The following TMEM38B variants were observed in gnomAD, a reference collection of about 807,000 sequenced individuals.
TMEM38B encodes trimeric intracellular cation channel type B.
TMEM38B carries 24 observed loss-of-function variants against 28.7 expected under a neutral mutation model. That is an observed-to-expected ratio of 0.84 (90% CI 0.61 to 1.18). TMEM38B has a LOEUF of 1.18. Ranked by LOEUF, TMEM38B falls within the 50% of genes most tolerant of loss-of-function variation. The probability of loss-of-function intolerance (pLI) is 0.00; values close to 1 mark genes in which losing one functional copy is unlikely to be tolerated. For synonymous variants in TMEM38B, 131 were observed against 127.7 expected, an observed-to-expected ratio of 1.03 and a Z score of -0.17; for missense variants, 380 against 350.9, an observed-to-expected ratio of 1.08 and a Z score of -0.66.
At position 105,774,214 on chromosome 9, in the gene TMEM38B, T is replaced by A; in HGVS notation, c.*134T>A. On this transcript the variant is annotated 3_prime_UTR_variant, in exon 6 of 6. Transcript: ENST00000374692. ...ATGGAGGTGACAGAAAGAAAGAAAT[T>A]CTTTGTTTGAGGGAGACTTCCCCTT... The A allele has an allele frequency of 1.3e-6, 1 of 740,804 alleles. No individual in the cohort carries two copies. The highest frequency in any genetic ancestry group is 2.2e-6 in the Non-Finnish European group (1 of 461,364). 45.9% of individuals were successfully genotyped at this position (740,804 alleles called of 1,614,324 possible). A position where few individuals can be genotyped will look rare whatever the true frequency, so the allele number is the denominator to read the frequency against.
chr9:105,750,170 C>T (rs541036187), intron 5 of TMEM38B, among the ~76,000 whole-genome samples: 1 of 152,060 alleles, frequency 6.6e-6, no homozygotes, highest in Non-Finnish European at 1.5e-5. Flanking sequence ...AGATCATTTG[C>T]CCATTTTCAA....
chr9:105,762,237 C>A (rs1838080410), intron 5 of TMEM38B, among the ~76,000 whole-genome samples: 1 of 151,686 alleles, frequency 6.6e-6, no homozygotes, highest in Non-Finnish European at 1.5e-5. Flanking sequence ...ATCCTAGAAA[C>A]TGGCTATAAA....
Position 105,758,740 on chromosome 9 carries a change from AATG to A in TMEM38B, c.660+10555_660+10557del, listed in dbSNP as rs530488987. 1.0e-4 allele frequency: 74 copies of A among 735,236 alleles called. 1 individual carries two copies. In the South Asian group the frequency reaches 1.1e-3, roughly 11 times the overall value. 45.5% of individuals were successfully genotyped at this position (735,236 alleles called of 1,614,324 possible). The stretch of plus-strand genomic sequence containing the variant: ...TCCAAAGATAAAGATAGTATTTTTA[AATG>A]ATGAAACTTATCTCATAGAACTCCT... On this transcript the variant is annotated intron_variant, in intron 5 of 5. Coordinates refer to ENST00000374692, the MANE Select transcript of TMEM38B (RefSeq NM_018112.3).
Position 105,774,108 on chromosome 9 carries a change from A to G in TMEM38B, c.*28A>G. 1 of 1,599,976 alleles carries G rather than the reference A, an allele frequency of 6.3e-7. No individual in the cohort carries two copies. The highest frequency in any genetic ancestry group is 8.5e-7 in the Non-Finnish European group (1 of 1,173,424). On this transcript the variant is annotated 3_prime_UTR_variant, in exon 6 of 6. Transcript: ENST00000374692. Reference sequence around the variant, plus strand: ...TTACGTGATGAGCTCTACAAGGCCAAAAATTTTTTTTCTTATCTACCTGTT... The same window carrying G: ...TTACGTGATGAGCTCTACAAGGCCAGAAATTTTTTTTCTTATCTACCTGTT...
At chr9:105,736,245 T>C (rs1258246667) in intron 4 of TMEM38B, among the ~76,000 whole-genome samples, 1 of 152,142 alleles carries the variant, frequency 6.6e-6, no homozygotes, top group Non-Finnish European at 1.5e-5. Flanking sequence ...ATGTGAAAAT[T>C]TGTTTGCCAG....
At chr9:105,697,601 G>C (rs1283285925) in intron 1 of TMEM38B, among the ~76,000 whole-genome samples, 1 of 151,968 alleles carries the variant, frequency 6.6e-6, no homozygotes, top group Non-Finnish European at 1.5e-5. Context: ...TTCTTATTGG[G>C]CTGTAGGTTA....
chr9:105,705,127 T>G (rs769254842), intron 1 of TMEM38B, among the ~76,000 whole-genome samples: 3 of 152,240 alleles, frequency 2.0e-5, no homozygotes, highest in Non-Finnish European at 4.4e-5. Flanking sequence ...ACCTTTCACC[T>G]TTAGGTTTAT....
At chr9:105,723,194 A>G (rs890018848) in intron 4 of TMEM38B, among the ~76,000 whole-genome samples, 2 of 152,094 alleles carry the variant, frequency 1.3e-5, no homozygotes, top group Non-Finnish European at 2.9e-5. Context: ...TCTATTTAAG[A>G]TAATCTGTTC....
chr9:105,712,211 G>A (rs898607043), intron 2 of TMEM38B, among the ~76,000 whole-genome samples: 1 of 152,204 alleles, frequency 6.6e-6, no homozygotes, highest in African/African-American at 2.4e-5. Context: ...CACTGTGCCC[G>A]ACCGACTTCC....
At chr9:105,731,734 C>T (rs1836757478) in intron 4 of TMEM38B, among the ~76,000 whole-genome samples, 1 of 152,106 alleles carries the variant, frequency 6.6e-6, no homozygotes, top group Non-Finnish European at 1.5e-5. Flanking sequence ...GGTTCCAAGT[C>T]TTTGCTATTG....
At position 105,760,667 on chromosome 9, in the gene TMEM38B, T is replaced by C. The variant is rs1249960015; in HGVS notation, c.660+12477T>C. On this transcript the variant is annotated intron_variant, in intron 5 of 5. Coordinates refer to ENST00000374692, the MANE Select transcript of TMEM38B (RefSeq NM_018112.3). ...CAGAAAAGATTTCCAACCACGGAGATTGAAGCAGCACTTTTTGGTGACAAA... is the reference window on the plus strand; with the variant it reads ...CAGAAAAGATTTCCAACCACGGAGACTGAAGCAGCACTTTTTGGTGACAAA... 25 of 1,012,284 alleles carry C rather than the reference T, an allele frequency of 2.5e-5. No homozygotes were observed. The Admixed American group carries it at 3.3e-4, about 13-fold the overall frequency. The allele number at this position is 1,012,284 out of a possible 1,614,324, so 62.7% of individuals were successfully genotyped here.
intron 1 of TMEM38B, among the ~76,000 whole-genome samples, chr9:105,705,052 T>A (rs1835606113): frequency 6.6e-6 from 1 of 152,252 alleles, no homozygotes; most frequent in South Asian, 2.1e-4. Flanking sequence ...ATTATTTTCC[T>A]CTACAATTAA....
chr9:105,751,966 G>GAGAC (rs1378840805), intron 5 of TMEM38B, among the ~76,000 whole-genome samples: 1 of 152,096 alleles, frequency 6.6e-6, no homozygotes, highest in African/African-American at 2.4e-5. Flanking sequence ...CGCCATTTTT[G>GAGAC]TGGTTTGGTA....
At chr9:105,767,409 C>A (rs1826411593) in intron 5 of TMEM38B, among the ~76,000 whole-genome samples, 1 of 152,074 alleles carries the variant, frequency 6.6e-6, no homozygotes, top group Non-Finnish European at 1.5e-5. Context: ...CTCAATATTT[C>A]TTAGGATAGT....
At chr9:105,722,448 A>G in intron 3 of TMEM38B, 86 bp from the exon 4 acceptor site, 1 of 1,057,444 alleles carries the variant, frequency 9.5e-7, no homozygotes, top group African/African-American at 1.6e-5. Flanking sequence ...GGAATGTATT[A>G]TCAGGTGATA....
intron 4 of TMEM38B, among the ~76,000 whole-genome samples, chr9:105,723,904 G>A (rs909622933): frequency 3.3e-5 from 5 of 150,368 alleles, no homozygotes; most frequent in African/African-American, 1.2e-4. Context: ...GTGTGGTCTC[G>A]GGCTCACTGC....
rs1443330368 is a variant in TMEM38B at position 105,776,276 on chromosome 9, A to G, written c.*2196A>G. Reference sequence around the variant, plus strand: ...GTCACTCTCAAGTAAAACATGGCCAAATGAATATCAAACTGGTTTATCAGA... The same window carrying G: ...GTCACTCTCAAGTAAAACATGGCCAGATGAATATCAAACTGGTTTATCAGA... On this transcript the variant is annotated 3_prime_UTR_variant, in exon 6 of 6. Coordinates refer to ENST00000374692, the MANE Select transcript of TMEM38B (RefSeq NM_018112.3). 2 of 152,098 alleles carry G rather than the reference A, an allele frequency of 1.3e-5. No homozygotes were observed. Among genetic ancestry groups the G allele is most frequent in the African/African-American group, 4.8e-5 (2 of 41,428 alleles). The allele number at this position is 152,098 out of a possible 1,614,324, so 9.4% of individuals were successfully genotyped here. A position where few individuals can be genotyped will look rare whatever the true frequency, so the allele number is the denominator to read the frequency against.
chr9:105,710,327 C>A, intron 2 of TMEM38B: 1 of 691,582 alleles, frequency 1.4e-6, no homozygotes, highest in South Asian at 1.6e-5. Context: ...ACTCTGTGGT[C>A]TTCCAGCCAG....
At chr9:105,753,656 C>T (rs1047151222) in intron 5 of TMEM38B, among the ~76,000 whole-genome samples, 2 of 152,084 alleles carry the variant, frequency 1.3e-5, no homozygotes, top group Non-Finnish European at 2.9e-5. Flanking sequence ...TGCAAGAGCT[C>T]CTGAAGGAAG....
Sources: allele counts gnomAD v4.1 joint callset (sites outside exome capture counted in the v4.1 genomes callset), GRCh38; gene constraint gnomAD v4.1.1; transcripts MANE v1.5; gene names NCBI Gene and HGNC (gene_info 2026-07-23, HGNC 2026-07-21).